HPR: variants seen among roughly 807,000 people sequenced by gnomAD.
HPR encodes the protein Haptoglobin-related locus.
Under a neutral mutation model 18.5 loss-of-function variants are expected in HPR, and 17 were observed. The observed-to-expected ratio is 0.92, with a 90% CI of 0.63 to 1.38. HPR has a LOEUF of 1.38. Among genes scored for constraint, HPR ranks in the 40% most tolerant of loss-of-function variants. The pLI is 0.00. For synonymous variants in HPR, 176 were observed against 165.0 expected (o/e 1.07, Z -0.51); for missense variants, 457 against 432.4 (o/e 1.06, Z -0.51).
chr16:72,063,973 C>T (rs1489312751), intron 1 of HPR, among the ~76,000 whole-genome samples: 1 of 152,146 alleles, frequency 6.6e-6, no homozygotes. Flanking sequence ...ATCTCTTGAC[C>T]TCGTGATCCA....
At chr16:72,070,766 A>T (rs1299930698) in intron 1 of HPR, among the ~76,000 whole-genome samples, 1 of 152,182 alleles carries the variant, frequency 6.6e-6, no homozygotes, top group Non-Finnish European at 1.5e-5. Context: ...TCATGTAGAT[A>T]AGTACCTATG....
intron 1 of HPR, among the ~76,000 whole-genome samples, chr16:72,070,769 T>A (rs895074669): frequency 2.0e-5 from 3 of 152,174 alleles, no homozygotes; most frequent in African/African-American, 7.2e-5. Flanking sequence ...TGTAGATAAG[T>A]ACCTATGTCC....
intron 1 of HPR, 140 bp from the exon 2 acceptor site, chr16:72,073,752 G>T: frequency 6.3e-7 from 1 of 1,578,486 alleles, no homozygotes; most frequent in South Asian, 1.1e-5. Context: ...TTTTCTGGCT[G>T]CTTAGTGGGA....
Position 72,076,713 on chromosome 16 carries a change from G to C in HPR, c.679G>C (p.Gly227Arg). Residue 227 changes from glycine to arginine, a missense_variant, in exon 5 of 5, where the codon GGA (glycine) becomes CGA (arginine). Transcript: ENST00000540303. ...GCGTGTGGGTTACGTGTCTGGCTGG[G>C]GACAAAGTGACAACTTTAAACTTAC... ...VGRVGYVSGW[G>R]QSDNFKLTDH... is the part of the protein sequence containing the mutation. The C allele has an allele frequency of 4.3e-6, 7 of 1,614,162 alleles. No homozygotes were observed. The highest frequency in any genetic ancestry group is 5.9e-6 in the Non-Finnish European group (7 of 1,180,034).
chr16:72,065,594 G>C (rs1042906743), intron 1 of HPR, among the ~76,000 whole-genome samples: 1 of 152,150 alleles, frequency 6.6e-6, no homozygotes, highest in Non-Finnish European at 1.5e-5. Context: ...AAATATTGCT[G>C]TTTCATTTGG....
chr16:72,075,412 T>C (rs1340149922), intron 4 of HPR, among the ~76,000 whole-genome samples, 193 bp downstream of exon 4: 3 of 152,188 alleles, frequency 2.0e-5, no homozygotes, highest in East Asian at 1.9e-4. Context: ...CAGGGTCTTG[T>C]TCATTGGGGC....
chr16:72,065,116 G>A (rs1234563480), intron 1 of HPR, among the ~76,000 whole-genome samples: 12 of 152,146 alleles, frequency 7.9e-5, no homozygotes, highest in African/African-American at 2.9e-4. Flanking sequence ...CAATCTGTGG[G>A]TCTATGGTTA....
In HPR at chr16:72,070,239, T is replaced by C. The variant is rs189631871; in HGVS notation, c.6-3653T>C. Among the ~76,000 whole-genome samples, 15 of 152,332 alleles carry C rather than the reference T, an allele frequency of 9.8e-5. No individual in the cohort carries two copies. The East Asian group carries it at 2.7e-3, about 28-fold the overall frequency. ...TGAGATGCTCTATGGATTGCCCTAT[T>C]TATACTCCACTGCTAACATTCCTAC... On this transcript the variant is annotated intron_variant, in intron 1 of 4. Transcript: ENST00000540303.
At chr16:72,071,305 T>C (rs1202383318) in intron 1 of HPR, among the ~76,000 whole-genome samples, 5 of 152,258 alleles carry the variant, frequency 3.3e-5, no homozygotes, top group African/African-American at 9.6e-5. Context: ...CTAAAATGGA[T>C]TAAATATTCC....
chr16:72,076,628 G>T lies in HPR; in HGVS notation c.594G>T (p.Val198=), dbSNP rs775396943. The part of the protein sequence containing the change: ...DIGLIKLKQK[V]LVNERVMPIC... ...GGCTCATCAAACTCAAACAGAAGGT[G>T]CTTGTTAATGAGAGAGTGATGCCCA... Residue 198 remains valine (V), a synonymous_variant, in exon 5 of 5, where the codon GTG becomes GTT. Coordinates refer to ENST00000540303, the MANE Select transcript of HPR (RefSeq NM_020995.4). The T allele has an allele frequency of 1.2e-6, 2 of 1,614,070 alleles. No individual in the cohort carries two copies. Among genetic ancestry groups the T allele is most frequent in the African/African-American group, 2.7e-5 (2 of 74,934 alleles).
At chr16:72,069,089 T>C (rs2041628185) in intron 1 of HPR, among the ~76,000 whole-genome samples, 1 of 152,170 alleles carries the variant, frequency 6.6e-6, no homozygotes, top group Admixed American at 6.5e-5. Context: ...TGCCTAATAA[T>C]TGGTCTGCCC....
At chr16:72,068,497 A>T (rs2041621175) in intron 1 of HPR, among the ~76,000 whole-genome samples, 1 of 152,154 alleles carries the variant, frequency 6.6e-6, no homozygotes, top group Admixed American at 6.6e-5. Context: ...ACTTCTAAAG[A>T]GGTCGATCAG....
At chr16:72,071,311 A>C (rs978267397) in intron 1 of HPR, among the ~76,000 whole-genome samples, 8 of 152,194 alleles carry the variant, frequency 5.3e-5, no homozygotes, top group African/African-American at 1.9e-4. Context: ...TGGATTAAAT[A>C]TTCCATCTGC....
At chr16:72,074,472 G>A in intron 3 of HPR, 87 bp downstream of exon 3, 4 of 1,197,692 alleles carry the variant, frequency 3.3e-6, no homozygotes, top group East Asian at 2.3e-5. Context: ...TGATTTGCCA[G>A]AAAGTTCGTT....
chr16:72,074,807 T>C (rs2041700084), intron 3 of HPR: 1 of 652,718 alleles, frequency 1.5e-6, no homozygotes, highest in Admixed American at 2.5e-5. Context: ...ACTTTGCTGA[T>C]AAGGAAACAG....
At chr16:72,069,112 T>A (rs971666829) in intron 1 of HPR, among the ~76,000 whole-genome samples, 5 of 152,170 alleles carry the variant, frequency 3.3e-5, no homozygotes, top group African/African-American at 1.2e-4. Context: ...ACTTGTGAAC[T>A]GTTTGCACTC....
At chr16:72,076,204 G>C (rs2041720845) in intron 4 of HPR, 99 bp from the exon 5 acceptor site, 7 of 1,569,740 alleles carry the variant, frequency 4.5e-6, no homozygotes, top group South Asian at 2.3e-5. Context: ...AATCTTTCCA[G>C]TTTATGCAGC....
At chr16:72,069,282 G>A (rs1328383134) in intron 1 of HPR, among the ~76,000 whole-genome samples, 1 of 152,160 alleles carries the variant, frequency 6.6e-6, no homozygotes, top group Non-Finnish European at 1.5e-5. Context: ...AATCATCCAA[G>A]TACTGGATAA....
In HPR at chr16:72,076,831, C is replaced by T. The variant is rs747460756; in HGVS notation, c.797C>T (p.Pro266Leu). 19 of 1,614,200 alleles carry T rather than the reference C, an allele frequency of 1.2e-5. No individual in the cohort carries two copies. Among genetic ancestry groups the T allele is most frequent in the Middle Eastern group, 3.3e-4 (2 of 6,062 alleles). ...EGSTCPKWKA[P>L]KSPVGVQPIL... ...AGCACATGCCCCAAATGGAAGGCACCGAAGAGCCCTGTAGGGGTGCAGCCC... is the reference window on the plus strand; with the variant it reads ...AGCACATGCCCCAAATGGAAGGCACTGAAGAGCCCTGTAGGGGTGCAGCCC... Residue 266 changes from proline to leucine, a missense_variant, in exon 5 of 5, where the codon CCG becomes CTG. By Grantham distance (98) the Pro-to-Leu change is moderately conservative (BLOSUM62 -3). Coordinates refer to ENST00000540303, the MANE Select transcript of HPR (RefSeq NM_020995.4).
Sources: gnomAD v4.1 joint callset for allele counts (sites outside exome capture counted in the v4.1 genomes callset) on GRCh38, gnomAD v4.1.1 for gene constraint, MANE v1.5 for transcripts, NCBI Gene and HGNC (gene_info 2026-07-23, HGNC 2026-07-21) for gene names.